The following CFAP61 variants were observed in gnomAD, a reference collection of about 807,000 sequenced individuals.
The protein encoded by CFAP61 is cilia and flagella associated protein 61, also known as cilia- and flagella-associated protein 61.
CFAP61 carries 107 observed loss-of-function variants against 135.6 expected under a neutral mutation model. The ratio of observed to expected loss-of-function variants is 0.79; its 90% CI spans 0.67 to 0.93. CFAP61 has a LOEUF of 0.93. Among genes scored for constraint, CFAP61 ranks in the 40% least tolerant of loss-of-function variants. The pLI is 0.00. For missense variants in CFAP61, 1,507 were observed against 1,556.2 expected (o/e 0.97, Z 0.53); for synonymous variants, 575 against 578.5 (o/e 0.99, Z 0.09).
At position 20,251,659 on chromosome 20, in the gene CFAP61, G is replaced by T. The variant is rs2146985414; in HGVS notation, c.2224G>T (p.Gly742Cys). The change falls in exon 20 of 27, where the codon GGT becomes TGT. Residue 742 changes from glycine to cysteine, a missense_variant. Transcript: ENST00000245957. ...SLCSWVNVVV[G>C]RMTGIDRAAK... Reference sequence around the variant, plus strand: ...GTGCTCCTGGGTTAATGTCGTGGTGGGTAGAATGACCGGCATAGACCGAGC... The same window carrying T: ...GTGCTCCTGGGTTAATGTCGTGGTGTGTAGAATGACCGGCATAGACCGAGC... 1 of 1,614,206 alleles carries T rather than the reference G, an allele frequency of 6.2e-7. No homozygotes were observed. Among genetic ancestry groups the T allele is most frequent in the Non-Finnish European group, 8.5e-7 (1 of 1,180,030 alleles).
Position 20,277,414 on chromosome 20 carries a change from G to A in CFAP61, c.2752G>A (p.Ala918Thr). The change falls in exon 22 of 27, where the codon GCC (alanine) becomes ACC (threonine). Residue 918 changes from alanine to threonine, a missense_variant. Physicochemically the swap from Ala to Thr is moderately conservative, Grantham distance 58. Transcript: ENST00000245957. ...CCTGCACCCAGACCCCATCTACAGC[G>A]CCTCCTTCACCACACCCACCAAGCC... is the stretch of plus-strand genomic sequence containing the variant. Reference protein sequence around the residue: ...DGLHPDPIYSASFTTPTKPFR... With the variant: ...DGLHPDPIYSTSFTTPTKPFR... 6.2e-7 allele frequency: 1 copy of A among 1,613,742 alleles called. No homozygotes were observed.
intron 25 of CFAP61, among the ~76,000 whole-genome samples, chr20:20,327,968 G>A (rs541766348): frequency 1.3e-5 from 2 of 152,232 alleles, no homozygotes; most frequent in South Asian, 4.1e-4. Flanking sequence ...CCACAGTCTT[G>A]GGCGTCAACA....
At chr20:20,185,801 G>A (rs2055453874) in intron 13 of CFAP61, among the ~76,000 whole-genome samples, 1 of 152,064 alleles carries the variant, frequency 6.6e-6, no homozygotes, top group African/African-American at 2.4e-5. Flanking sequence ...TCAGTATCCT[G>A]GAGCTTTATT....
Position 20,288,666 on chromosome 20 carries a change from G to C in CFAP61, c.2854G>C (p.Asp952His). ...TTATGAAACGTTTAAAGCCCTCAATGATGCATGTCTTGTGTATGACAGTCG... is the reference window on the plus strand; with the variant it reads ...TTATGAAACGTTTAAAGCCCTCAATCATGCATGTCTTGTGTATGACAGTCG... ...VDYETFKALNDACLVYDSRLV... is the reference protein window; with the variant it reads ...VDYETFKALNHACLVYDSRLV... Residue 952 changes from aspartate (D) to histidine (H), a missense_variant, in exon 23 of 27, where the codon GAT becomes CAT. By Grantham distance (81) the Asp-to-His change is moderately conservative. Coordinates refer to ENST00000245957, the MANE Select transcript of CFAP61 (RefSeq NM_015585.4). 1.2e-6 allele frequency: 2 copies of C among 1,614,126 alleles called. No homozygotes were observed. The highest frequency in any genetic ancestry group is 1.6e-4 in the Middle Eastern group (1 of 6,062).
chr20:20,291,023 G>A (rs1355237191), intron 24 of CFAP61, among the ~76,000 whole-genome samples: 1 of 151,950 alleles, frequency 6.6e-6, no homozygotes, highest in Non-Finnish European at 1.5e-5. Flanking sequence ...GAGCTGTTTT[G>A]GTTTCATAAC....
At chr20:20,181,395 T>C (rs949313221) in intron 13 of CFAP61, among the ~76,000 whole-genome samples, 1 of 151,678 alleles carries the variant, frequency 6.6e-6, no homozygotes, top group African/African-American at 2.4e-5. Context: ...TCTACTTTAT[T>C]GTGTGTGTGA....
chr20:20,128,816 C>T (rs4814943), intron 8 of CFAP61, among the ~76,000 whole-genome samples: 15,021 of 151,378 alleles, frequency 0.099, 1,650 homozygotes, highest in East Asian at 0.6. Context: ...AAACACCTTA[C>T]AGAAATAACA....
intron 6 of CFAP61, among the ~76,000 whole-genome samples, chr20:20,078,919 C>T (rs556234665): frequency 6.6e-6 from 1 of 152,280 alleles, no homozygotes; most frequent in South Asian, 2.1e-4. Context: ...GTATCACTTA[C>T]AGATCCTACA....
rs1354343699 is a variant in CFAP61, at chr20:20,298,039, G to A, written c.3217-142G>A. The A allele has an allele frequency of 1.6e-5, 10 of 623,792 alleles. No individual in the cohort carries two copies. The African/African-American group carries it at 1.8e-4, about 11-fold the overall frequency. The allele number at this position is 623,792 out of a possible 1,614,324, so 38.6% of individuals were successfully genotyped here. A position where few individuals can be genotyped will look rare whatever the true frequency, so the allele number is the denominator to read the frequency against. On this transcript the variant is annotated intron_variant, in intron 24 of 26. Transcript: ENST00000245957. ...ACACTGTCACCTTCTGCCGAGTTTA[G>A]TCAATATCTATTACTGTTATTTGCA...
At chr20:20,199,432 G>T (rs2056485811) in intron 16 of CFAP61, among the ~76,000 whole-genome samples, 1 of 152,106 alleles carries the variant, frequency 6.6e-6, no homozygotes, top group Admixed American at 6.5e-5. Flanking sequence ...CAGCTTAATG[G>T]GGTCAGATCA....
At chr20:20,058,583 A>G (rs75461008) in intron 2 of CFAP61, among the ~76,000 whole-genome samples, 2,526 of 152,336 alleles carry the variant, frequency 0.017, 68 homozygotes, top group African/African-American at 0.057. Context: ...AACAAGATAT[A>G]AACCCACTAA....
At chr20:20,337,274 GTGGATGGATGGATGGATAGA>G (rs2058232574) in intron 25 of CFAP61, among the ~76,000 whole-genome samples, 9 of 98,946 alleles carry the variant, frequency 9.1e-5, no homozygotes, top group African/African-American at 3.2e-4. Context: ...GAATGGGTGG[GTGGATGGATGGATGGATAGA>G]TGGATGGATG....
intron 25 of CFAP61, among the ~76,000 whole-genome samples, chr20:20,325,445 C>T (rs965910302): frequency 3.9e-5 from 6 of 152,164 alleles, no homozygotes; most frequent in African/African-American, 1.4e-4. Flanking sequence ...TTACTGTCTC[C>T]GTAGTTTTAC....
chr20:20,344,057 A>C (rs2058547799), intron 26 of CFAP61, among the ~76,000 whole-genome samples: 1 of 152,174 alleles, frequency 6.6e-6, no homozygotes, highest in African/African-American at 2.4e-5. Flanking sequence ...CGGAAGAAAA[A>C]AATCTCCACT....
At chr20:20,310,173 T>C (rs1304295219) in intron 25 of CFAP61, among the ~76,000 whole-genome samples, 1 of 152,138 alleles carries the variant, frequency 6.6e-6, no homozygotes, top group East Asian at 1.9e-4. Flanking sequence ...TTTGTATTTT[T>C]AGTAGAGACG....
chr20:20,292,006 A>G (rs922680611), intron 24 of CFAP61, among the ~76,000 whole-genome samples: 6 of 152,254 alleles, frequency 3.9e-5, no homozygotes, highest in Admixed American at 2.6e-4. Context: ...AGGGTCAGCC[A>G]TGTGGCAGGT....
chr20:20,322,755 G>C (rs2057581278), intron 25 of CFAP61: 1 of 985,238 alleles, frequency 1.0e-6, no homozygotes, highest in Non-Finnish European at 1.2e-6. Flanking sequence ...ATCATTAGAG[G>C]GTCCTCGTGT....
chr20:20,291,365 T>C (rs1476291245), intron 24 of CFAP61, among the ~76,000 whole-genome samples: 2 of 152,220 alleles, frequency 1.3e-5, no homozygotes, highest in Non-Finnish European at 2.9e-5. Context: ...CTTCATACTG[T>C]CTCAGTCACT....
At chr20:20,186,697 TAGATAC>T (rs1056882641) in intron 13 of CFAP61, among the ~76,000 whole-genome samples, 80 of 152,282 alleles carry the variant, frequency 5.3e-4, no homozygotes, top group African/African-American at 1.9e-3. Context: ...TAGTTAATTA[TAGATAC>T]AGATATTGTT....
Sources: gnomAD v4.1 joint callset for allele counts (sites outside exome capture counted in the v4.1 genomes callset) on GRCh38, gnomAD v4.1.1 for gene constraint, MANE v1.5 for transcripts, NCBI Gene and HGNC (gene_info 2026-07-23, HGNC 2026-07-21) for gene names.